The following VPS13B variants were observed in gnomAD, a reference collection of about 807,000 sequenced individuals.
VPS13B encodes vacuolar protein sorting 13 homolog B, also known as intermembrane lipid transfer protein VPS13B.
In VPS13B, 285 loss-of-function variants were observed where a neutral mutation model predicts 426.4. The observed-to-expected ratio is 0.67, with a 90% CI of 0.61 to 0.74. VPS13B has a LOEUF of 0.74. VPS13B is among the 30% of genes least tolerant of loss of function. The pLI is 0.00. For synonymous variants in VPS13B, 1,676 were observed against 1,676.4 expected, an observed-to-expected ratio of 1.00 and a Z score of 0.01; for missense variants, 4,537 against 4,782.6, an observed-to-expected ratio of 0.95 and a Z score of 1.51.
chr8:99,354,739 A>C (rs1262987214), intron 19 of VPS13B, among the ~76,000 whole-genome samples: 1 of 152,118 alleles, frequency 6.6e-6, no homozygotes, highest in Non-Finnish European at 1.5e-5. Context: ...TGTATTTAAA[A>C]AATTTCTTTG....
chr8:99,090,496 C>T (rs1286952575), intron 3 of VPS13B, among the ~76,000 whole-genome samples: 1 of 152,122 alleles, frequency 6.6e-6, no homozygotes, highest in Admixed American at 6.5e-5. Flanking sequence ...TCTCGAACTC[C>T]TAACCTCAGG....
intron 36 of VPS13B, among the ~76,000 whole-genome samples, chr8:99,701,809 C>A (rs539543848): frequency 6.6e-6 from 1 of 152,128 alleles, no homozygotes; most frequent in East Asian, 1.9e-4. Flanking sequence ...ATTTTTAGTA[C>A]AGTTTTTTCT....
intron 30 of VPS13B, among the ~76,000 whole-genome samples, chr8:99,527,329 G>A (rs1822703346): frequency 2.0e-5 from 3 of 152,038 alleles, no homozygotes; most frequent in Admixed American, 6.6e-5. Flanking sequence ...TGATCCAGTA[G>A]AAAACAACAG....
At chr8:99,135,287 A>G (rs577126728) in intron 10 of VPS13B, 150 bp downstream of exon 10, 3 of 1,255,530 alleles carry the variant, frequency 2.4e-6, no homozygotes, top group Non-Finnish European at 3.3e-6. Flanking sequence ...TTCACCTGCC[A>G]GAAATTATAG....
chr8:99,540,277 C>T (rs1350708323), intron 30 of VPS13B, among the ~76,000 whole-genome samples: 1 of 150,438 alleles, frequency 6.6e-6, no homozygotes, highest in Non-Finnish European at 1.5e-5. Flanking sequence ...GATGGGGTTT[C>T]ACCATGTTAG....
chr8:99,062,723 G>T (rs1844258845), intron 3 of VPS13B, among the ~76,000 whole-genome samples: 1 of 151,950 alleles, frequency 6.6e-6, no homozygotes, highest in African/African-American at 2.4e-5. Flanking sequence ...CCGCCTTGTG[G>T]ATCCCAAAGT....
At chr8:99,662,803 T>G (rs1480203360) in intron 35 of VPS13B, among the ~76,000 whole-genome samples, 4 of 152,112 alleles carry the variant, frequency 2.6e-5, no homozygotes, top group Non-Finnish European at 1.5e-5. Context: ...TCCCAGCATT[T>G]TGGGAGGCTA....
intron 17 of VPS13B, among the ~76,000 whole-genome samples, chr8:99,256,672 T>C (rs1817759608): frequency 6.6e-6 from 1 of 152,222 alleles, no homozygotes; most frequent in South Asian, 2.1e-4. Context: ...ATGTGCTTAT[T>C]ATCCATTTGC....
intron 25 of VPS13B, among the ~76,000 whole-genome samples, chr8:99,496,666 A>G (rs930703859): frequency 1.3e-5 from 2 of 152,012 alleles, no homozygotes; most frequent in Admixed American, 1.3e-4. Context: ...AAAAAAAAGC[A>G]CTAACATTTT....
chr8:99,373,802 A>C (rs565755976), intron 19 of VPS13B, among the ~76,000 whole-genome samples: 1 of 152,294 alleles, frequency 6.6e-6, no homozygotes, highest in Non-Finnish European at 1.5e-5. Flanking sequence ...TGATCATGCC[A>C]CTACACTCCA....
intron 24 of VPS13B, among the ~76,000 whole-genome samples, chr8:99,471,996 G>T (rs1435504539): frequency 6.6e-6 from 1 of 152,070 alleles, no homozygotes; most frequent in Non-Finnish European, 1.5e-5. Flanking sequence ...TAGATGCATA[G>T]TAAAAGATAC....
At chr8:99,671,993 A>C (rs1830736127) in intron 35 of VPS13B, among the ~76,000 whole-genome samples, 1 of 152,054 alleles carries the variant, frequency 6.6e-6, no homozygotes, top group African/African-American at 2.4e-5. Context: ...GCCTATTTTT[A>C]TGCCAGTACT....
At chr8:99,488,385 G>T (rs1454586482) in intron 25 of VPS13B, among the ~76,000 whole-genome samples, 1 of 151,970 alleles carries the variant, frequency 6.6e-6, no homozygotes, top group Non-Finnish European at 1.5e-5. Flanking sequence ...TTTTCTCTAA[G>T]GTGTATGTTT....
chr8:99,871,833 G>C (rs1817432277), intron 61 of VPS13B, 136 bp downstream of exon 61: 8 of 1,517,800 alleles, frequency 5.3e-6, no homozygotes, highest in South Asian at 1.1e-5. Context: ...CTGCTACCCA[G>C]AGGAGGAAGT....
intron 57 of VPS13B, among the ~76,000 whole-genome samples, chr8:99,860,899 T>C (rs950257473): frequency 6.6e-5 from 10 of 152,206 alleles, no homozygotes; most frequent in Non-Finnish European, 1.3e-4. Context: ...TCAGTTAACA[T>C]CCTGAATATC....
chr8:99,353,636 C>G (rs1289334728), intron 19 of VPS13B, among the ~76,000 whole-genome samples: 1 of 151,208 alleles, frequency 6.6e-6, no homozygotes, highest in Non-Finnish European at 1.5e-5. Flanking sequence ...ATACCCAGCA[C>G]TTGTTTGCTT....
chr8:99,379,937 T>G (rs1295811249), intron 19 of VPS13B, among the ~76,000 whole-genome samples: 10 of 152,334 alleles, frequency 6.6e-5, no homozygotes, highest in Admixed American at 1.3e-4. Context: ...TTGAATTATA[T>G]ATTCCTGAAT....
chr8:99,425,902 TG>T (rs1816674585), intron 21 of VPS13B, among the ~76,000 whole-genome samples: 1 of 151,932 alleles, frequency 6.6e-6, no homozygotes, highest in African/African-American at 2.4e-5. Context: ...TTCTGTTTTT[TG>T]TTTTTTGTTT....
chr8:99,084,587 A>G (rs1004276475), intron 3 of VPS13B, among the ~76,000 whole-genome samples: 7 of 152,148 alleles, frequency 4.6e-5, no homozygotes, highest in African/African-American at 1.7e-4. Flanking sequence ...TCTTGTGGGC[A>G]TTTAGCGCTA....
Sources: allele counts gnomAD v4.1 joint callset (sites outside exome capture counted in the v4.1 genomes callset), GRCh38; gene constraint gnomAD v4.1.1; transcripts MANE v1.5; gene names NCBI Gene and HGNC (gene_info 2026-07-23, HGNC 2026-07-21).